Variants in FOXP2 observed in about 807,000 individuals in gnomAD.
FOXP2 encodes the protein forkhead box protein P2.
FOXP2 carries 12 observed loss-of-function variants against 115.8 expected under a neutral mutation model. The ratio of observed to expected loss-of-function variants is 0.10; its 90% CI spans 0.07 to 0.17. The LOEUF (loss-of-function observed/expected upper bound fraction) is 0.17, where lower values mean the gene tolerates loss of function less well. Ranked by LOEUF, FOXP2 falls within the 10% of genes least tolerant of loss-of-function variation. FOXP2 has a pLI of 1.00. For synonymous variants in FOXP2, 328 were observed against 297.7 expected, an observed-to-expected ratio of 1.10 and a Z score of -1.05; for missense variants, 629 against 843.5, an observed-to-expected ratio of 0.75 and a Z score of 3.15.
chr7:114,426,994 C>T (rs1435218891), intron 2 of FOXP2, among the ~76,000 whole-genome samples: 2 of 151,700 alleles, frequency 1.3e-5, no homozygotes, highest in East Asian at 2.0e-4. Context: ...TGCTGCAGAA[C>T]GTGATACTTA....
chr7:114,644,793 G>A lies in FOXP2; in HGVS notation c.1094+4G>A. ...AAGATTTTGGACAGTTTTTAAAGTA[G>A]GTTTTTTACTTTTTTTTGGTGGGGG... On this transcript the variant is annotated splice_donor_region_variant and intron_variant, in intron 8 of 16. Coordinates refer to ENST00000350908, the MANE Select transcript of FOXP2 (RefSeq NM_014491.4). 1 of 1,612,342 alleles carries A rather than the reference G, an allele frequency of 6.2e-7. No homozygotes were observed.
chr7:114,648,275 A>G (rs1481183956), intron 8 of FOXP2, among the ~76,000 whole-genome samples: 1 of 152,052 alleles, frequency 6.6e-6, no homozygotes, highest in Non-Finnish European at 1.5e-5. Context: ...GTGCCCCCCC[A>G]TCTCTGAAAA....
intron 2 of FOXP2, among the ~76,000 whole-genome samples, chr7:114,523,132 A>G (rs1385705146): frequency 6.6e-6 from 1 of 152,086 alleles, no homozygotes; most frequent in East Asian, 1.9e-4. Flanking sequence ...GTGTTTCACA[A>G]TTTACATTAC....
chr7:114,367,562 A>G (rs1203576142), intron 2 of FOXP2, among the ~76,000 whole-genome samples: 1 of 152,160 alleles, frequency 6.6e-6, no homozygotes, highest in Non-Finnish European at 1.5e-5. Flanking sequence ...ACTACAAAAC[A>G]AACAACTAGA....
intron 1 of FOXP2, among the ~76,000 whole-genome samples, chr7:114,240,350 G>A (rs185942335): frequency 9.2e-5 from 14 of 151,858 alleles, no homozygotes; most frequent in South Asian, 4.2e-4. Context: ...TATTTATTTC[G>A]TTTGTTTAAT....
chr7:114,627,470 C>G (rs1563043856), intron 3 of FOXP2, among the ~76,000 whole-genome samples: 1 of 151,952 alleles, frequency 6.6e-6, no homozygotes, highest in Non-Finnish European at 1.5e-5. Flanking sequence ...CAAGTAATGC[C>G]TCAAACAGTG....
chr7:114,105,828 G>A (rs1449704596), intron 1 of FOXP2, among the ~76,000 whole-genome samples: 2 of 152,062 alleles, frequency 1.3e-5, no homozygotes, highest in East Asian at 1.9e-4. Flanking sequence ...TATACCTAAG[G>A]TTATGTGGCT....
At chr7:114,561,936 T>A (rs1800778539) in intron 3 of FOXP2, among the ~76,000 whole-genome samples, 1 of 152,130 alleles carries the variant, frequency 6.6e-6, no homozygotes, top group Non-Finnish European at 1.5e-5. Context: ...ATTACAGACA[T>A]GGGCCACCAT....
rs79604064 is a variant in FOXP2, at chr7:114,194,175, T to A, written c.-102+31087T>A. On this transcript the variant is annotated intron_variant, in intron 1 of 17. Transcript: ENST00000634411. ...ATGTGCTTTAAAATTAATTTACAAC[T>A]GCTTTTATTTTACTTTCTTTTTTCT... 3.1e-3 allele frequency among the ~76,000 whole-genome samples: 465 copies of A among 152,282 alleles called. 4 individuals carry two copies. The highest frequency in any genetic ancestry group is 0.011 in the African/African-American group (449 of 41,588).
intron 1 of FOXP2, among the ~76,000 whole-genome samples, chr7:114,099,033 G>T (rs970980011): frequency 6.6e-6 from 1 of 152,128 alleles, no homozygotes; most frequent in African/African-American, 2.4e-5. Context: ...TACTCAGGAG[G>T]CTGGGGTGGG....
chr7:114,167,170 GTT>G (rs2129151940), intron 1 of FOXP2, among the ~76,000 whole-genome samples: 1 of 152,260 alleles, frequency 6.6e-6, no homozygotes, highest in African/African-American at 2.4e-5. Context: ...GGGTAACTTG[GTT>G]AAACATCCCA....
intron 2 of FOXP2, among the ~76,000 whole-genome samples, chr7:114,368,263 C>T (rs1791925965): frequency 1.3e-5 from 2 of 152,094 alleles, no homozygotes; most frequent in Admixed American, 1.3e-4. Context: ...TTGGGTATTT[C>T]ATACAGAACA....
chr7:114,219,070 C>A (rs776602580), intron 1 of FOXP2, among the ~76,000 whole-genome samples: 1 of 151,868 alleles, frequency 6.6e-6, no homozygotes, highest in Admixed American at 6.6e-5. Context: ...GCAACTGAAC[C>A]CAAACAACTG....
upstream of FOXP2, among the ~76,000 whole-genome samples, chr7:114,159,013 A>C (rs149368462): frequency 2.7e-3 from 414 of 152,188 alleles, 4 homozygotes; most frequent in African/African-American, 9.6e-3. Flanking sequence ...TTTGAATGTG[A>C]AGGTTAGGGG....
intron 2 of FOXP2, among the ~76,000 whole-genome samples, chr7:114,368,141 A>G (rs1327782195): frequency 6.6e-6 from 1 of 152,172 alleles, no homozygotes; most frequent in African/African-American, 2.4e-5. Flanking sequence ...TGGTACCCTC[A>G]CTAGTCTGAA....
chr7:114,492,276 A>T (rs1249841023), intron 2 of FOXP2, among the ~76,000 whole-genome samples: 2 of 151,752 alleles, frequency 1.3e-5, no homozygotes, highest in East Asian at 3.9e-4. Flanking sequence ...ATCATTTTTT[A>T]TTGCGTGTAT....
chr7:114,196,075 T>C (rs1488320984), intron 1 of FOXP2, among the ~76,000 whole-genome samples: 1 of 152,144 alleles, frequency 6.6e-6, no homozygotes, highest in Non-Finnish European at 1.5e-5. Flanking sequence ...TGTGATGGCG[T>C]GATCTCGGCT....
chr7:114,132,333 C>T (rs1791901238), intron 1 of FOXP2, among the ~76,000 whole-genome samples: 1 of 152,038 alleles, frequency 6.6e-6, no homozygotes, highest in African/African-American at 2.4e-5. Context: ...GTCCTTGAAC[C>T]TTTCACCATT....
At chr7:114,173,401 TTC>T (rs1338707123) in intron 1 of FOXP2, among the ~76,000 whole-genome samples, 1 of 151,816 alleles carries the variant, frequency 6.6e-6, no homozygotes, top group African/African-American at 2.4e-5. Context: ...CTTCTTTACT[TTC>T]TTCTTTCTTT....
Sources: allele counts gnomAD v4.1 joint callset (sites outside exome capture counted in the v4.1 genomes callset), GRCh38; gene constraint gnomAD v4.1.1; transcripts MANE v1.5; gene names NCBI Gene and HGNC (gene_info 2026-07-23, HGNC 2026-07-21).